Variants in TENM3 observed in about 807,000 individuals in gnomAD.
The protein encoded by TENM3 is teneurin transmembrane protein 3.
In TENM3, 63 loss-of-function variants were observed where a neutral mutation model predicts 255.1. That is an observed-to-expected ratio of 0.25 (90% CI 0.20 to 0.30). TENM3 has a LOEUF of 0.30. TENM3 is among the 10% of genes least tolerant of loss of function. TENM3 has a pLI of 1.00. For missense variants in TENM3, 2,929 were observed against 3,461.1 expected (o/e 0.85, Z 3.86); for synonymous variants, 1,306 against 1,322.3 (o/e 0.99, Z 0.27).
the TENM3 span, among the ~76,000 whole-genome samples, chr4:181,756,946 A>G: frequency 6.6e-6 from 1 of 152,182 alleles, no homozygotes; most frequent in Non-Finnish European, 1.5e-5. Context: ...ATTCATACAC[A>G]ATTTATCATA....
At chr4:181,886,030 C>T in the TENM3 span, among the ~76,000 whole-genome samples, 11 of 146,364 alleles carry the variant, frequency 7.5e-5, no homozygotes, top group South Asian at 2.2e-4. Context: ...CGAGTTTTTT[C>T]GCTGTGGTTT....
At chr4:181,799,132 T>C in the TENM3 span, among the ~76,000 whole-genome samples, 1 of 152,232 alleles carries the variant, frequency 6.6e-6, no homozygotes, top group African/African-American at 2.4e-5. Context: ...GGAGATGACA[T>C]AACTGCATTA....
At chr4:182,366,726 A>G (rs923133186) in intron 3 of TENM3, among the ~76,000 whole-genome samples, 1 of 152,184 alleles carries the variant, frequency 6.6e-6, no homozygotes, top group African/African-American at 2.4e-5. Flanking sequence ...CTAAAAATAA[A>G]TATTTTCAGA....
chr4:181,733,336 C>A, the TENM3 span, among the ~76,000 whole-genome samples: 1 of 152,134 alleles, frequency 6.6e-6, no homozygotes, highest in Non-Finnish European at 1.5e-5. Flanking sequence ...CTTATTGATT[C>A]AGGCTATGTT....
At chr4:182,377,422 T>C (rs1767252466) in intron 3 of TENM3, among the ~76,000 whole-genome samples, 1 of 152,164 alleles carries the variant, frequency 6.6e-6, no homozygotes, top group Non-Finnish European at 1.5e-5. Context: ...CAAGCGATTC[T>C]CGTGCCTCAG....
At chr4:181,888,580 A>G in the TENM3 span, among the ~76,000 whole-genome samples, 4 of 37,312 alleles carry the variant, frequency 1.1e-4, no homozygotes, top group Non-Finnish European at 1.5e-4. Context: ...ATATATATAC[A>G]TATATATATG....
the TENM3 span, among the ~76,000 whole-genome samples, chr4:181,697,775 A>T: frequency 1.1e-4 from 17 of 152,248 alleles, no homozygotes; most frequent in African/African-American, 4.1e-4. Flanking sequence ...AAATGTGCAC[A>T]ATAATCAGAT....
the TENM3 span, among the ~76,000 whole-genome samples, chr4:181,538,205 T>C: frequency 6.6e-6 from 1 of 152,224 alleles, no homozygotes; most frequent in Non-Finnish European, 1.5e-5. Flanking sequence ...TTTCTAACCA[T>C]GTTTATTGAT....
intron 1 of TENM3, among the ~76,000 whole-genome samples, chr4:182,291,069 C>A (rs1386434130): frequency 6.6e-6 from 1 of 152,144 alleles, no homozygotes; most frequent in Non-Finnish European, 1.5e-5. Flanking sequence ...GATCCTCCCA[C>A]CTTGGCCTCC....
At chr4:181,622,782 T>C in the TENM3 span, among the ~76,000 whole-genome samples, 1 of 152,134 alleles carries the variant, frequency 6.6e-6, no homozygotes, top group Non-Finnish European at 1.5e-5. Context: ...AGGTTTGCCT[T>C]GGCCTTTGGT....
rs139089196 is a variant in TENM3, at chr4:182,555,927, A to G, written c.512-44997A>G. Among the ~76,000 whole-genome samples the G allele has an allele frequency of 9.6e-3, 1,453 of 152,092 alleles. 30 individuals are homozygous for G. The highest frequency in any genetic ancestry group is 0.033 in the African/African-American group (1,377 of 41,484). ...GAATTACTTTTTTTATTCTACAAAC[A>G]CTGAAGAGTTTCTCTAAAAGAATAA... is the stretch of plus-strand genomic sequence containing the variant. On this transcript the variant is annotated intron_variant, in intron 3 of 27. Coordinates refer to ENST00000511685, the MANE Select transcript of TENM3 (RefSeq NM_001080477.4).
Position 182,789,166 on chromosome 4 carries a change from G to A in TENM3, c.5378G>A (p.Arg1793His), listed in dbSNP as rs902566447. The A allele has an allele frequency of 6.2e-7, 1 of 1,612,622 alleles. No homozygotes were observed. The highest frequency in any genetic ancestry group is 8.5e-7 in the Non-Finnish European group (1 of 1,179,306). The change falls in exon 25 of 28, where the codon CGT (arginine) becomes CAT (histidine). Residue 1793 changes from arginine to histidine, a missense_variant. Arg to His is a conservative substitution (Grantham distance 29, BLOSUM62 0). This residue lies in a region of TENM3 where 303 missense variants were observed against 425.2 expected (regional missense o/e 0.71). Transcript: ENST00000511685. The surrounding 1 kb of genome is among the most constrained non-coding windows in gnomAD (Gnocchi z 4.4). Reference protein sequence around the residue: ...TKTEKIYDDHRKFLLRIAYDT... With the variant: ...TKTEKIYDDHHKFLLRIAYDT... ...ACAGAAAAGATCTATGACGACCACC[G>A]TAAATTTCTACTGAGGATCGCCTAC...
the TENM3 span, among the ~76,000 whole-genome samples, chr4:182,099,846 G>C: frequency 6.6e-6 from 1 of 152,188 alleles, no homozygotes; most frequent in African/African-American, 2.4e-5. Context: ...TAGAATCCAT[G>C]AGCAAACAGA....
At chr4:182,291,166 A>T (rs950551869) in intron 1 of TENM3, among the ~76,000 whole-genome samples, 2 of 152,140 alleles carry the variant, frequency 1.3e-5, no homozygotes, top group African/African-American at 2.4e-5. Flanking sequence ...TCAGTAAGTG[A>T]TATGAAGCAA....
chr4:182,476,036 G>A (rs1015466100), intron 3 of TENM3, among the ~76,000 whole-genome samples: 24 of 152,190 alleles, frequency 1.6e-4, no homozygotes, highest in African/African-American at 5.8e-4. Context: ...TTGTAGAGAA[G>A]CCCTAAGTGT....
chr4:181,692,236 G>A, the TENM3 span, among the ~76,000 whole-genome samples: 1 of 152,176 alleles, frequency 6.6e-6, no homozygotes, highest in Non-Finnish European at 1.5e-5. Context: ...CTCAAGTAAA[G>A]ATATTCCAGC....
the TENM3 span, among the ~76,000 whole-genome samples, chr4:181,681,312 C>A: frequency 6.6e-6 from 1 of 151,972 alleles, no homozygotes; most frequent in Admixed American, 6.6e-5. Flanking sequence ...ACTAACATTT[C>A]ACCGGACCTT....
At chr4:181,576,811 CTTTTT>C in the TENM3 span, among the ~76,000 whole-genome samples, 1 of 123,984 alleles carries the variant, frequency 8.1e-6, no homozygotes, top group Non-Finnish European at 1.7e-5. Context: ...TCTTTCTTTT[CTTTTT>C]TTTTTTTTTT....
At chr4:182,316,738 C>G (rs2675537) in intron 1 of TENM3, among the ~76,000 whole-genome samples, 26,867 of 152,160 alleles carry the variant, frequency 0.18, 2,575 homozygotes, top group Middle Eastern at 0.24. Flanking sequence ...TGGAACACCC[C>G]AGAGGGACCC....
Sources: allele counts gnomAD v4.1 joint callset (sites outside exome capture counted in the v4.1 genomes callset), GRCh38; gene constraint gnomAD v4.1.1; regional missense constraint gnomAD v4.1.1; non-coding constraint Gnocchi (gnomAD v3.1); transcripts MANE v1.5; gene names NCBI Gene and HGNC (gene_info 2026-07-23, HGNC 2026-07-21).